Variants in FOCAD observed in about 807,000 individuals in gnomAD.
FOCAD encodes the protein KIAA1797.
Under a neutral mutation model 225.6 loss-of-function variants are expected in FOCAD, and 198 were observed. The observed-to-expected ratio is 0.88, with a 90% CI of 0.78 to 0.99. The LOEUF (loss-of-function observed/expected upper bound fraction) is 0.99. Among genes scored for constraint, FOCAD ranks in the 50% least tolerant of loss-of-function variants. The probability of loss-of-function intolerance (pLI) is 0.00; values close to 1 mark genes in which losing one functional copy is unlikely to be tolerated. For missense variants in FOCAD, 2,713 were observed against 2,123.6 expected (o/e 1.28, Z -5.46); for synonymous variants, 897 against 755.0 (o/e 1.19, Z -3.08).
At chr9:20,950,853 T>G in intron 33 of FOCAD, 143 bp from the exon 34 acceptor site, 6 of 667,888 alleles carry the variant, frequency 9.0e-6, no homozygotes, top group Non-Finnish European at 1.4e-5. Flanking sequence ...ACTAGACACA[T>G]GATATTACAT....
At chr9:20,741,881 G>T (rs968753263) in intron 5 of FOCAD, among the ~76,000 whole-genome samples, 3 of 152,004 alleles carry the variant, frequency 2.0e-5, no homozygotes, top group Non-Finnish European at 4.4e-5. Context: ...ATTCAATTTA[G>T]TTGTTGTTAA....
rs1564045453 is a variant in FOCAD at position 20,831,280 on chromosome 9, TAGGAAG to T, written c.1920+8169_1920+8174del. Among the ~76,000 whole-genome samples, 3 of 152,126 alleles carry T rather than the reference TAGGAAG, an allele frequency of 2.0e-5. No homozygotes were observed. In the East Asian group the frequency reaches 5.8e-4, roughly 29 times the overall value. ...CAGTTATCATTTATTCATTCTCCGGTAGGAAGAGGTGGTGAGGAGAGCAAGGGAAAG... is the reference window on the plus strand; with the variant it reads ...CAGTTATCATTTATTCATTCTCCGGTAGGTGGTGAGGAGAGCAAGGGAAAG... On this transcript the variant is annotated intron_variant, in intron 15 of 43. Transcript: ENST00000338382.
At chr9:20,716,056 C>A (rs776394514) in intron 2 of FOCAD, 2 of 417,900 alleles carry the variant, frequency 4.8e-6, no homozygotes, top group Non-Finnish European at 1.1e-5. Flanking sequence ...CAACATACAG[C>A]ACCTTGGATA....
At chr9:20,962,633 T>A (rs1587729514) in intron 35 of FOCAD, among the ~76,000 whole-genome samples, 1 of 152,310 alleles carries the variant, frequency 6.6e-6, no homozygotes, top group South Asian at 2.1e-4. Flanking sequence ...GGCATTGAGA[T>A]CTGATCCTCT....
intron 10 of FOCAD, among the ~76,000 whole-genome samples, chr9:20,784,486 T>C (rs1819711828): frequency 6.6e-6 from 1 of 152,060 alleles, no homozygotes; most frequent in Admixed American, 6.5e-5. Context: ...CGGAAAAGTT[T>C]TTTTGGAGGG....
At chr9:20,805,026 C>T (rs1448300941) in intron 11 of FOCAD, among the ~76,000 whole-genome samples, 1 of 152,152 alleles carries the variant, frequency 6.6e-6, no homozygotes, top group Non-Finnish European at 1.5e-5. Flanking sequence ...TGTAACATGT[C>T]ATGCATGTTC....
chr9:20,976,397 T>C, intron 35 of FOCAD, 23 bp from the exon 36 acceptor site: 1 of 1,609,182 alleles, frequency 6.2e-7, no homozygotes, highest in African/African-American at 1.3e-5. Flanking sequence ...TGTTTTACTA[T>C]TATTTTTCAC....
chr9:20,908,469 C>T (rs1419023661), intron 22 of FOCAD, among the ~76,000 whole-genome samples: 1 of 152,060 alleles, frequency 6.6e-6, no homozygotes, highest in Non-Finnish European at 1.5e-5. Context: ...AATAGGGGAC[C>T]AGGAATCTCC....
rs533131610 is a variant in FOCAD at position 20,709,568 on chromosome 9, T to C, written c.-32-5754T>C. On this transcript the variant is annotated intron_variant, in intron 1 of 43. Coordinates refer to ENST00000338382, the MANE Select transcript of FOCAD (RefSeq NM_001375567.1). ...ACACTTGCCAATGCTAAAGTGACCATGTGTACTGTTTTTTGAAATTCCCTA... is the reference window on the plus strand; with the variant it reads ...ACACTTGCCAATGCTAAAGTGACCACGTGTACTGTTTTTTGAAATTCCCTA... Among the ~76,000 whole-genome samples the C allele has an allele frequency of 2.3e-4, 35 of 150,614 alleles. No homozygotes were observed. In the South Asian group the frequency reaches 7.2e-3, roughly 31 times the overall value.
intron 5 of FOCAD, among the ~76,000 whole-genome samples, chr9:20,753,110 G>A (rs1465090330): frequency 1.3e-5 from 2 of 152,132 alleles, no homozygotes; most frequent in Non-Finnish European, 2.9e-5. Context: ...TGCAAACAGG[G>A]ACAATTTGAC....
intron 30 of FOCAD, 122 bp from the exon 31 acceptor site, chr9:20,948,149 C>G (rs1043139338): frequency 3.1e-6 from 3 of 954,568 alleles, no homozygotes; most frequent in Admixed American, 3.2e-5. Context: ...TTTCATATGA[C>G]AAATACAGCT....
At chr9:20,802,798 T>A (rs942292965) in intron 11 of FOCAD, among the ~76,000 whole-genome samples, 9 of 152,284 alleles carry the variant, frequency 5.9e-5, no homozygotes, top group African/African-American at 1.9e-4. Context: ...GTGTTGAAGC[T>A]ACTGTTTTTA....
intron 11 of FOCAD, among the ~76,000 whole-genome samples, chr9:20,802,209 A>G (rs1025498022): frequency 1.3e-5 from 2 of 151,874 alleles, no homozygotes; most frequent in African/African-American, 2.4e-5. Flanking sequence ...GCTTGTTACC[A>G]TTTTTTTGTG....
intron 1 of FOCAD, among the ~76,000 whole-genome samples, chr9:20,692,109 C>T (rs1823014743): frequency 6.6e-6 from 1 of 152,096 alleles, no homozygotes; most frequent in African/African-American, 2.4e-5. Flanking sequence ...TATTTTCAGC[C>T]TCGCCTTCCC....
intron 5 of FOCAD, among the ~76,000 whole-genome samples, chr9:20,752,170 C>A (rs1174653890): frequency 6.6e-6 from 1 of 151,442 alleles, no homozygotes; most frequent in African/African-American, 2.4e-5. Context: ...TAATTAGATC[C>A]CATTTGTCAA....
At position 20,981,673 on chromosome 9, in the gene FOCAD, C is replaced by G. The variant is rs1187577513; in HGVS notation, c.4625C>G (p.Pro1542Arg). The change falls in exon 38 of 44, where the codon CCA becomes CGA. Residue 1542 changes from proline (P) to arginine (R), a missense_variant. Physicochemically the swap from Pro to Arg is moderately radical, Grantham distance 103. Coordinates refer to ENST00000338382, the MANE Select transcript of FOCAD (RefSeq NM_001375567.1). ...ACTGGGAAAATTTTTGACCTCCTGC[C>G]AAATAAGATTCGGGTGAGGAACAAA... ...EATGKIFDLL[P>R]NKIRRKDLEL... 1 of 1,608,324 alleles carries G rather than the reference C, an allele frequency of 6.2e-7. No homozygotes were observed. The highest frequency in any genetic ancestry group is 8.5e-7 in the Non-Finnish European group (1 of 1,177,910).
chr9:20,916,274 A>C (rs1259695054), intron 23 of FOCAD, among the ~76,000 whole-genome samples: 1 of 152,192 alleles, frequency 6.6e-6, no homozygotes, highest in African/African-American at 2.4e-5. Flanking sequence ...TATTGAATTA[A>C]AAATTAGGTT....
At chr9:20,753,910 A>T (rs919384436) in intron 5 of FOCAD, among the ~76,000 whole-genome samples, 4 of 152,196 alleles carry the variant, frequency 2.6e-5, no homozygotes, top group Non-Finnish European at 5.9e-5. Flanking sequence ...TCATCAGCCC[A>T]TCTATCCTTT....
intron 15 of FOCAD, among the ~76,000 whole-genome samples, chr9:20,856,880 C>G (rs1034662047): frequency 2.6e-5 from 4 of 151,958 alleles, no homozygotes; most frequent in Admixed American, 6.6e-5. Context: ...GCACCTTTGT[C>G]AAAAATGAGT....
Sources: gnomAD v4.1 joint callset for allele counts (sites outside exome capture counted in the v4.1 genomes callset) on GRCh38, gnomAD v4.1.1 for gene constraint, MANE v1.5 for transcripts, NCBI Gene and HGNC (gene_info 2026-07-23, HGNC 2026-07-21) for gene names.